The following STK32C variants were observed in gnomAD, a reference collection of about 807,000 sequenced individuals.
STK32C encodes the protein serine/threonine kinase 32C, also known as serine/threonine-protein kinase 32C.
Under a neutral mutation model 56.5 loss-of-function variants are expected in STK32C, and 31 were observed. That is an observed-to-expected ratio of 0.55 (90% confidence interval 0.41 to 0.74). The LOEUF is 0.74. Ranked by LOEUF, STK32C falls within the 30% of genes least tolerant of loss-of-function variation. STK32C has a pLI of 0.00. For missense variants in STK32C, 544 were observed against 676.9 expected, an observed-to-expected ratio of 0.80 and a Z score of 2.18; for synonymous variants, 309 against 289.4, an observed-to-expected ratio of 1.07 and a Z score of -0.69.
At chr10:132,296,144 C>T (rs543203849) in intron 1 of STK32C, among the ~76,000 whole-genome samples, 11 of 150,246 alleles carry the variant, frequency 7.3e-5, no homozygotes, top group African/African-American at 2.7e-4. Context: ...CTCCCAAAGG[C>T]CCATAATCCT....
intron 1 of STK32C, among the ~76,000 whole-genome samples, chr10:132,264,407 C>G (rs1469289654): frequency 6.6e-6 from 1 of 152,170 alleles, no homozygotes; most frequent in Non-Finnish European, 1.5e-5. Flanking sequence ...AGGGACCCCT[C>G]GAGCTGGGAG....
intron 1 of STK32C, among the ~76,000 whole-genome samples, chr10:132,302,956 CAA>C (rs2065953004): frequency 6.6e-6 from 1 of 152,166 alleles, no homozygotes; most frequent in African/African-American, 2.4e-5. Context: ...AAATGAACTT[CAA>C]AGCTATAGAC....
chr10:132,300,344 G>C (rs2065875932), intron 1 of STK32C, among the ~76,000 whole-genome samples: 1 of 152,124 alleles, frequency 6.6e-6, no homozygotes, highest in Non-Finnish European at 1.5e-5. Context: ...GGCAGGGCCG[G>C]AGCCCAGAAG....
rs2062718540 is a variant in STK32C at position 132,222,589 on chromosome 10, G to A, written c.1251+52C>T. On this transcript the variant is annotated intron_variant, in intron 10 of 11. Transcript: ENST00000298630. ...CACACGCCTTGCTCGGTGGTAGAGA[G>A]GAGCCCCAAGCCCAGCCCGCCGCCG... 5.0e-6 allele frequency: 8 copies of A among 1,596,334 alleles called. No individual in the cohort carries two copies. The South Asian group carries it at 5.6e-5, about 11-fold the overall frequency.
At chr10:132,297,810 G>A (rs2065800212) in intron 1 of STK32C, among the ~76,000 whole-genome samples, 1 of 152,228 alleles carries the variant, frequency 6.6e-6, no homozygotes, top group African/African-American at 2.4e-5. Flanking sequence ...AGCAGCAGGT[G>A]CACACCCGCC....
At chr10:132,222,030 A>C (rs1005292956) in intron 10 of STK32C, among the ~76,000 whole-genome samples, 8 of 146,746 alleles carry the variant, frequency 5.5e-5, no homozygotes, top group Middle Eastern at 3.7e-3. Flanking sequence ...GGTGAGTGTG[A>C]GGGCTTCACA....
intron 1 of STK32C, among the ~76,000 whole-genome samples, chr10:132,253,536 G>A (rs1264518062): frequency 1.4e-4 from 18 of 130,202 alleles, no homozygotes; most frequent in Non-Finnish European, 2.5e-4. Context: ...GGAGGGAGCT[G>A]GAGGGAGTCG....
chr10:132,243,947 G>A (rs2063595738), intron 2 of STK32C, among the ~76,000 whole-genome samples: 1 of 152,218 alleles, frequency 6.6e-6, no homozygotes. Context: ...ACCACCTGCA[G>A]GGAAACAGGG....
rs558120849 is a variant in STK32C, at chr10:132,265,835, C to T, written c.263-19880G>A. ...GGGCCCCCTCCATCCCCCCGGACAG[C>T]CAGGGAGAGGGACAGCAGCGAGGCC... On this transcript the variant is annotated intron_variant, in intron 1 of 11. Transcript: ENST00000298630. Among the ~76,000 whole-genome samples the T allele has an allele frequency of 2.0e-5, 3 of 152,294 alleles. No individual in the cohort carries two copies. The South Asian group carries it at 6.2e-4, about 32-fold the overall frequency.
chr10:132,299,882 G>A (rs1006556870), intron 1 of STK32C, among the ~76,000 whole-genome samples: 1 of 152,256 alleles, frequency 6.6e-6, no homozygotes, highest in Admixed American at 6.5e-5. Context: ...GCGAACAGAG[G>A]CTCTGAGGTC....
At chr10:132,277,357 CG>C (rs1438613192) in intron 1 of STK32C, among the ~76,000 whole-genome samples, 1 of 152,254 alleles carries the variant, frequency 6.6e-6, no homozygotes, top group Admixed American at 6.5e-5. Flanking sequence ...CATTCCTGTG[CG>C]GGGAGGTGGC....
intron 1 of STK32C, among the ~76,000 whole-genome samples, chr10:132,302,210 A>G (rs1435683838): frequency 6.6e-6 from 1 of 152,200 alleles, no homozygotes; most frequent in Admixed American, 6.5e-5. Flanking sequence ...CAATCCCTCA[A>G]CAAAATCACC....
At chr10:132,308,870 C>T (rs1156892336), upstream of STK32C, among the ~76,000 whole-genome samples, 1 of 152,218 alleles carries the variant, frequency 6.6e-6, no homozygotes, top group Non-Finnish European at 1.5e-5. Context: ...CTTGGAGTGC[C>T]CTGGAGAAGG....
chr10:132,244,267 G>A (rs1009714064), intron 2 of STK32C, among the ~76,000 whole-genome samples: 4 of 152,158 alleles, frequency 2.6e-5, no homozygotes, highest in South Asian at 2.1e-4. Flanking sequence ...ATCTGAACAC[G>A]GCACCCAGCA....
chr10:132,236,673 C>T (rs532079646), intron 2 of STK32C, among the ~76,000 whole-genome samples: 1 of 152,206 alleles, frequency 6.6e-6, no homozygotes, highest in African/African-American at 2.4e-5. Context: ...CTATCCCCCA[C>T]CCACCCCAGT....
chr10:132,312,294 C>T (rs2066238402), upstream of STK32C, among the ~76,000 whole-genome samples: 1 of 152,148 alleles, frequency 6.6e-6, no homozygotes, highest in Non-Finnish European at 1.5e-5. Flanking sequence ...CAGGTATGAG[C>T]CACTGCACCC....
chr10:132,224,582 A>C, intron 7 of STK32C, 59 bp from the exon 8 acceptor site: 1 of 1,295,178 alleles, frequency 7.7e-7, no homozygotes, highest in Non-Finnish European at 1.1e-6. Flanking sequence ...ACCCAGAACA[A>C]TGCCAGACAC....
chr10:132,306,711 G>A (rs1185032317), intron 1 of STK32C, among the ~76,000 whole-genome samples: 4 of 152,250 alleles, frequency 2.6e-5, no homozygotes, highest in Non-Finnish European at 4.4e-5. Context: ...TTAAGAAAAT[G>A]TCAAAAAACA....
chr10:132,246,054 G>C (rs1159940576), intron 1 of STK32C, 99 bp from the exon 2 acceptor site: 1 of 1,210,408 alleles, frequency 8.3e-7, no homozygotes, highest in Non-Finnish European at 1.2e-6. Flanking sequence ...ACACTGCCCA[G>C]GGCCCCTCAT....
Sources: gnomAD v4.1 joint callset for allele counts (sites outside exome capture counted in the v4.1 genomes callset) on GRCh38, gnomAD v4.1.1 for gene constraint, MANE v1.5 for transcripts, NCBI Gene and HGNC (gene_info 2026-07-23, HGNC 2026-07-21) for gene names.